Variants in CSGALNACT1 observed in about 807,000 individuals in gnomAD.
The protein encoded by CSGALNACT1 is chondroitin sulfate N-acetylgalactosaminyltransferase 1.
A neutral mutation model predicts 51.0 loss-of-function variants in CSGALNACT1; 52 were observed. The observed-to-expected ratio is 1.02, with a 90% confidence interval of 0.82 to 1.29. The LOEUF is 1.29. Among genes scored for constraint, CSGALNACT1 ranks in the 50% most tolerant of loss-of-function variants. The pLI is 0.00. For synonymous variants in CSGALNACT1, 341 were observed against 254.4 expected (o/e 1.34, Z -3.24); for missense variants, 935 against 679.2 (o/e 1.38, Z -4.19).
chr8:19,446,784 G>T (rs2062195480), intron 5 of CSGALNACT1, among the ~76,000 whole-genome samples: 1 of 152,108 alleles, frequency 6.6e-6, no homozygotes, highest in East Asian at 1.9e-4. Flanking sequence ...AAAGTGCTGG[G>T]ATTAAAGGTG....
chr8:19,603,821 CTTGTT>C (rs1453983815), upstream of CSGALNACT1, among the ~76,000 whole-genome samples: 4 of 152,212 alleles, frequency 2.6e-5, no homozygotes, highest in Non-Finnish European at 5.9e-5. Context: ...CAAAACCACA[CTTGTT>C]TTAACAATGA....
chr8:19,682,735 C>A (rs370408935), upstream of CSGALNACT1: 9 of 454,106 alleles, frequency 2.0e-5, no homozygotes, highest in Admixed American at 9.4e-5. Flanking sequence ...ACAGCCTGAG[C>A]AAGGCTGCGG....
intron 1 of CSGALNACT1, among the ~76,000 whole-genome samples, chr8:19,638,832 A>G (rs2056414574): frequency 6.6e-6 from 1 of 152,032 alleles, no homozygotes; most frequent in Non-Finnish European, 1.5e-5. Flanking sequence ...TCAATAGATG[A>G]TCATTATTCT....
At chr8:19,480,403 G>C (rs2071034525) in intron 4 of CSGALNACT1, among the ~76,000 whole-genome samples, 2 of 152,158 alleles carry the variant, frequency 1.3e-5, no homozygotes, top group South Asian at 4.1e-4. Context: ...CTTAGAGCTG[G>C]AGTGGTCTCC....
At chr8:19,697,320 CAAG>C (rs1284567102) in intron 1 of CSGALNACT1, among the ~76,000 whole-genome samples, 1 of 151,990 alleles carries the variant, frequency 6.6e-6, no homozygotes, top group Non-Finnish European at 1.5e-5. Flanking sequence ...GCAAGAGGGT[CAAG>C]AAGGAGTCCA....
chr8:19,432,113 C>A (rs528065487), intron 6 of CSGALNACT1, among the ~76,000 whole-genome samples: 1 of 152,244 alleles, frequency 6.6e-6, no homozygotes, highest in Admixed American at 6.5e-5. Context: ...TCATGTCCGC[C>A]CCAAGGACTC....
chr8:19,428,462 G>C (rs548533523), intron 6 of CSGALNACT1, among the ~76,000 whole-genome samples: 1 of 152,252 alleles, frequency 6.6e-6, no homozygotes, highest in South Asian at 2.1e-4. Context: ...TCACCACCAT[G>C]AGAACTGTGT....
intron 4 of CSGALNACT1, among the ~76,000 whole-genome samples, chr8:19,488,869 G>A (rs890043072): frequency 5.3e-5 from 8 of 152,116 alleles, no homozygotes; most frequent in East Asian, 1.9e-4. Context: ...CAACAGCATC[G>A]GGATGGGATT....
chr8:19,443,366 C>T (rs1247270336), intron 5 of CSGALNACT1, among the ~76,000 whole-genome samples: 2 of 152,136 alleles, frequency 1.3e-5, no homozygotes, highest in Non-Finnish European at 2.9e-5. Context: ...ATATTATGTA[C>T]ACATGTGTAC....
intron 6 of CSGALNACT1, among the ~76,000 whole-genome samples, chr8:19,433,353 G>A (rs546740945): frequency 6.2e-4 from 95 of 152,304 alleles, no homozygotes; most frequent in African/African-American, 2.0e-3. Flanking sequence ...GGACATACAT[G>A]GGTTTTAAGT....
At chr8:19,570,807 C>G (rs923977959) in intron 3 of CSGALNACT1, among the ~76,000 whole-genome samples, 2 of 151,986 alleles carry the variant, frequency 1.3e-5, no homozygotes, top group Admixed American at 1.3e-4. Context: ...GGCTGAAGCA[C>G]AAGAATCAAG....
intron 4 of CSGALNACT1, among the ~76,000 whole-genome samples, chr8:19,496,363 C>T (rs1398622207): frequency 6.6e-6 from 1 of 152,120 alleles, no homozygotes; most frequent in South Asian, 2.1e-4. Context: ...CCACAACATT[C>T]CCACTCATGA....
chr8:19,501,556 C>G (rs1435047549), intron 4 of CSGALNACT1, among the ~76,000 whole-genome samples: 2 of 152,142 alleles, frequency 1.3e-5, no homozygotes, highest in East Asian at 3.9e-4. Context: ...CCTGCAGAGG[C>G]TGGAGGAGGA....
intron 1 of CSGALNACT1, among the ~76,000 whole-genome samples, chr8:19,638,690 C>T (rs376765794): frequency 1.3e-5 from 2 of 152,034 alleles, no homozygotes; most frequent in African/African-American, 2.4e-5. Context: ...TAAGTGAGAA[C>T]AGAACGGGAA....
intron 1 of CSGALNACT1, among the ~76,000 whole-genome samples, chr8:19,751,722 T>A (rs1294414142): frequency 6.6e-6 from 1 of 152,158 alleles, no homozygotes; most frequent in African/African-American, 2.4e-5. Flanking sequence ...GTTCTCGTGA[T>A]AGAGTTCTCA....
At chr8:19,754,679 G>A (rs2065246652) in intron 1 of CSGALNACT1, among the ~76,000 whole-genome samples, 1 of 152,162 alleles carries the variant, frequency 6.6e-6, no homozygotes, top group Non-Finnish European at 1.5e-5. Flanking sequence ...TTTGGCTAAT[G>A]CTTTTGACAC....
chr8:19,443,795 C>CCCTTAT (rs2061694544), intron 5 of CSGALNACT1, among the ~76,000 whole-genome samples: 1 of 152,090 alleles, frequency 6.6e-6, no homozygotes, highest in Non-Finnish European at 1.5e-5. Context: ...TACCAAAATC[C>CCCTTAT]AGATGTTCAT....
chr8:19,617,507 A>G (rs375420699), intron 1 of CSGALNACT1, among the ~76,000 whole-genome samples: 2 of 152,348 alleles, frequency 1.3e-5, no homozygotes, highest in South Asian at 4.1e-4. Context: ...CTCCAAACAT[A>G]TATTACTTTC....
intron 1 of CSGALNACT1, among the ~76,000 whole-genome samples, chr8:19,736,555 T>C (rs1239687350): frequency 6.7e-6 from 1 of 149,770 alleles, no homozygotes; most frequent in Admixed American, 6.7e-5. Context: ...ATCCAAAGAG[T>C]GGCATTACTT....
Sources: gnomAD v4.1 joint callset for allele counts (sites outside exome capture counted in the v4.1 genomes callset) on GRCh38, gnomAD v4.1.1 for gene constraint, MANE v1.5 for transcripts, NCBI Gene and HGNC (gene_info 2026-07-23, HGNC 2026-07-21) for gene names.